Variants in MACROD2 observed in about 807,000 individuals in gnomAD.
The protein encoded by MACROD2 is mono-ADP ribosylhydrolase 2.
A neutral mutation model predicts 70.4 loss-of-function variants in MACROD2; 36 were observed. The ratio of observed to expected loss-of-function variants is 0.51; its 90% CI spans 0.39 to 0.68. The LOEUF (loss-of-function observed/expected upper bound fraction) is 0.68. MACROD2 is among the 30% of genes least tolerant of loss of function. The pLI is 0.00. For missense variants in MACROD2, 496 were observed against 538.4 expected (o/e 0.92, Z 0.78); for synonymous variants, 172 against 178.8 (o/e 0.96, Z 0.30).
chr20:14,358,136 G>A (rs1291204902), intron 3 of MACROD2, among the ~76,000 whole-genome samples: 1 of 152,158 alleles, frequency 6.6e-6, no homozygotes, highest in Non-Finnish European at 1.5e-5. Flanking sequence ...TCAAGGGTCA[G>A]TTTCAAAAAG....
intron 5 of MACROD2, among the ~76,000 whole-genome samples, chr20:15,118,599 T>G (rs2327914): frequency 0.88 from 134,480 of 152,094 alleles, 59,627 homozygotes; most frequent in East Asian, 1. Flanking sequence ...CTTAAAGCAT[T>G]TGTCCTCAGT....
chr20:14,356,547 C>T (rs1228967585), intron 3 of MACROD2, among the ~76,000 whole-genome samples: 4 of 142,564 alleles, frequency 2.8e-5, no homozygotes, highest in Non-Finnish European at 6.0e-5. Flanking sequence ...CTCTGTCACC[C>T]AGGGTGGAGG....
intron 10 of MACROD2, among the ~76,000 whole-genome samples, chr20:15,920,662 G>C (rs2065390224): frequency 6.6e-6 from 1 of 152,158 alleles, no homozygotes; most frequent in South Asian, 2.1e-4. Flanking sequence ...GTGGAATGCA[G>C]GGTGGCATCA....
intron 8 of MACROD2, among the ~76,000 whole-genome samples, chr20:15,679,554 T>C (rs2146855098): frequency 6.6e-6 from 1 of 152,332 alleles, no homozygotes; most frequent in African/African-American, 2.4e-5. Flanking sequence ...AGTGATGCTG[T>C]GCAGGTTCTG....
intron 3 of MACROD2, among the ~76,000 whole-genome samples, chr20:14,311,680 C>T (rs1000446495): frequency 1.3e-5 from 2 of 151,882 alleles, no homozygotes; most frequent in African/African-American, 2.4e-5. Context: ...ACCATGCCTG[C>T]CTAATTTTTG....
intron 15 of MACROD2, among the ~76,000 whole-genome samples, chr20:16,001,652 A>G (rs1235957382): frequency 6.6e-6 from 1 of 152,200 alleles, no homozygotes; most frequent in Non-Finnish European, 1.5e-5. Context: ...GGAAAAATAG[A>G]TATTTCTTCT....
intron 4 of MACROD2, among the ~76,000 whole-genome samples, chr20:14,657,699 C>G (rs956187017): frequency 1.3e-5 from 2 of 152,102 alleles, no homozygotes; most frequent in African/African-American, 4.8e-5. Flanking sequence ...ATATGAAAAG[C>G]CTCTTTGAGA....
At chr20:14,528,321 GT>G (rs530596762) in intron 4 of MACROD2, among the ~76,000 whole-genome samples, 116 of 137,026 alleles carry the variant, frequency 8.5e-4, no homozygotes, top group Non-Finnish European at 8.5e-4. Context: ...CAGGGTTTCT[GT>G]TTTTTTTTTT....
chr20:14,044,359 C>G (rs930615671), intron 2 of MACROD2, among the ~76,000 whole-genome samples: 7 of 152,118 alleles, frequency 4.6e-5, no homozygotes, highest in Non-Finnish European at 8.8e-5. Context: ...AAAGAGAGAG[C>G]AGCAGCAAGA....
chr20:15,010,757 A>G (rs1246105842), intron 5 of MACROD2, among the ~76,000 whole-genome samples: 8 of 152,218 alleles, frequency 5.3e-5, no homozygotes, highest in Admixed American at 5.2e-4. Context: ...AAATTAACTT[A>G]CTGTTGTTTG....
intron 4 of MACROD2, among the ~76,000 whole-genome samples, chr20:14,511,539 G>T (rs780704117): frequency 3.3e-5 from 5 of 151,886 alleles, no homozygotes; most frequent in Non-Finnish European, 7.4e-5. Context: ...GGCTTCGATG[G>T]CTTCATTAGA....
At chr20:15,603,041 A>G (rs1215602783) in intron 8 of MACROD2, among the ~76,000 whole-genome samples, 1 of 152,118 alleles carries the variant, frequency 6.6e-6, no homozygotes, top group Non-Finnish European at 1.5e-5. Context: ...GGGAGGCTTT[A>G]TTTATATTGT....
chr20:15,503,844 A>G (rs530493678), intron 8 of MACROD2, among the ~76,000 whole-genome samples: 11 of 152,196 alleles, frequency 7.2e-5, no homozygotes, highest in Admixed American at 7.2e-4. Context: ...GTTCCCCCAA[A>G]ATTTTCCTTT....
chr20:14,309,434 G>C (rs1386276304), intron 3 of MACROD2, among the ~76,000 whole-genome samples: 1 of 152,120 alleles, frequency 6.6e-6, no homozygotes, highest in Non-Finnish European at 1.5e-5. Context: ...GTCAGGATTA[G>C]ATATAATAGT....
chr20:14,162,433 A>T (rs115368448), intron 3 of MACROD2, among the ~76,000 whole-genome samples: 1 of 152,128 alleles, frequency 6.6e-6, no homozygotes, highest in Admixed American at 6.5e-5. Context: ...CAAATTTTCT[A>T]TCTAGAGGCT....
At chr20:14,774,031 C>A (rs1046685773) in intron 5 of MACROD2, among the ~76,000 whole-genome samples, 2 of 151,930 alleles carry the variant, frequency 1.3e-5, no homozygotes, top group Non-Finnish European at 2.9e-5. Context: ...TATGTCTTAT[C>A]TTTATAATAT....
chr20:14,899,168 A>C (rs2073866094), intron 5 of MACROD2, among the ~76,000 whole-genome samples: 1 of 152,198 alleles, frequency 6.6e-6, no homozygotes, highest in Non-Finnish European at 1.5e-5. Flanking sequence ...TTTCAAGTTT[A>C]GGAGAAAGCA....
At chr20:15,238,953 G>C (rs961745530) in intron 6 of MACROD2, among the ~76,000 whole-genome samples, 35 of 152,278 alleles carry the variant, frequency 2.3e-4, no homozygotes, top group African/African-American at 8.4e-4. Flanking sequence ...ACAGTAAAGA[G>C]ATTTGCAATG....
At chr20:14,097,069 T>C (rs995972387) in intron 3 of MACROD2, among the ~76,000 whole-genome samples, 7 of 152,208 alleles carry the variant, frequency 4.6e-5, no homozygotes, top group African/African-American at 1.7e-4. Context: ...CAACCCAATA[T>C]TTCCTCTATT....
Sources: gnomAD v4.1 joint callset for allele counts (sites outside exome capture counted in the v4.1 genomes callset) on GRCh38, gnomAD v4.1.1 for gene constraint, MANE v1.5 for transcripts, NCBI Gene and HGNC (gene_info 2026-07-23, HGNC 2026-07-21) for gene names.